The following TBC1D5 variants were observed in gnomAD, a reference collection of about 807,000 sequenced individuals.
TBC1D5 encodes the protein TBC1 domain family member 5.
In TBC1D5, 75 loss-of-function variants were observed where a neutral mutation model predicts 100.3. The ratio of observed to expected loss-of-function variants is 0.75; its 90% CI spans 0.62 to 0.91. The LOEUF is 0.91. Among genes scored for constraint, TBC1D5 ranks in the 40% least tolerant of loss-of-function variants. The probability of loss-of-function intolerance (pLI) is 0.00; values close to 1 mark genes in which losing one functional copy is unlikely to be tolerated. For synonymous variants in TBC1D5, 323 were observed against 325.6 expected (o/e 0.99, Z 0.09); for missense variants, 910 against 942.4 (o/e 0.97, Z 0.45).
chr3:17,383,321 G>C (rs2093025055), intron 9 of TBC1D5, among the ~76,000 whole-genome samples: 1 of 151,386 alleles, frequency 6.6e-6, no homozygotes, highest in South Asian at 2.1e-4. Context: ...ATTTTTATTA[G>C]AACACCATAA....
chr3:17,698,286 T>A lies in TBC1D5; in HGVS notation c.-101+41057A>T, dbSNP rs376127526. ...TTGACAAACCTGACAAAAACAAGCA[T>A]TGGGGAAAGGATTCCCTATTTAATC... On this transcript the variant is annotated intron_variant, in intron 1 of 21. Coordinates refer to ENST00000253692, the Ensembl canonical transcript of TBC1D5. Among the ~76,000 whole-genome samples the A allele has an allele frequency of 1.1e-3, 161 of 152,226 alleles. 2 individuals are homozygous for A. In the South Asian group the frequency reaches 0.018, roughly 17 times the overall value.
upstream of TBC1D5, among the ~76,000 whole-genome samples, chr3:17,741,698 G>C (rs548987854): frequency 1.3e-5 from 2 of 150,800 alleles, no homozygotes; most frequent in African/African-American, 4.9e-5. Flanking sequence ...AACTGGTATC[G>C]AACAAATTCT....
intron 16 of TBC1D5, among the ~76,000 whole-genome samples, chr3:17,243,181 G>A (rs904616672): frequency 6.6e-6 from 1 of 152,094 alleles, no homozygotes; most frequent in Admixed American, 6.6e-5. Flanking sequence ...CCATGAGAGA[G>A]TTATTTATCC....
intron 13 of TBC1D5, among the ~76,000 whole-genome samples, chr3:17,317,179 G>T (rs962190934): frequency 6.6e-6 from 1 of 152,054 alleles, no homozygotes; most frequent in Non-Finnish European, 1.5e-5. Flanking sequence ...TAATTAGAAA[G>T]GCAAAAACAA....
At chr3:17,452,000 C>T (rs2094939080) in intron 3 of TBC1D5, among the ~76,000 whole-genome samples, 1 of 152,070 alleles carries the variant, frequency 6.6e-6, no homozygotes, top group Non-Finnish European at 1.5e-5. Context: ...AGGCATTTAA[C>T]AATCAAACTC....
chr3:17,331,946 G>A (rs1012358676), intron 13 of TBC1D5, among the ~76,000 whole-genome samples: 1 of 152,226 alleles, frequency 6.6e-6, no homozygotes, highest in Admixed American at 6.5e-5. Context: ...GGGCCTTATA[G>A]GCCATAGCAA....
chr3:17,233,691 G>C, intron 17 of TBC1D5: 1 of 1,528,414 alleles, frequency 6.5e-7, no homozygotes, highest in Non-Finnish European at 8.9e-7. Flanking sequence ...GTACCTTGGA[G>C]GTCAGTTAGA....
chr3:17,527,921 C>A lies in TBC1D5; in HGVS notation c.-35-19316G>T, dbSNP rs549449708. Among the ~76,000 whole-genome samples the A allele has an allele frequency of 9.9e-5, 15 of 152,266 alleles. No individual in the cohort carries two copies. The East Asian group carries it at 1.9e-3, about 20-fold the overall frequency. The stretch of plus-strand genomic sequence containing the variant: ...TTAATTTGATTTTATATTTGTATAT[C>A]CAAACCTTATATTCTGTTTTCTTTT... On this transcript the variant is annotated intron_variant, in intron 2 of 21. Transcript: ENST00000253692.
At chr3:17,595,770 C>A (rs577611376) in intron 2 of TBC1D5, among the ~76,000 whole-genome samples, 1 of 152,226 alleles carries the variant, frequency 6.6e-6, no homozygotes, top group South Asian at 2.1e-4. Context: ...AAAAGTAGGA[C>A]GGCATGTGTA....
At chr3:17,727,274 G>C (rs766885895) in intron 1 of TBC1D5, among the ~76,000 whole-genome samples, 1 of 152,156 alleles carries the variant, frequency 6.6e-6, no homozygotes. Context: ...CCAGCTACTC[G>C]AGAGGCTGAG....
chr3:17,510,020 T>C (rs2095885701), intron 2 of TBC1D5, among the ~76,000 whole-genome samples: 1 of 152,044 alleles, frequency 6.6e-6, no homozygotes, highest in Non-Finnish European at 1.5e-5. Flanking sequence ...TAAACCAAGT[T>C]CACCAATTGT....
chr3:17,672,025 T>A (rs975729244), intron 1 of TBC1D5, among the ~76,000 whole-genome samples: 3 of 152,208 alleles, frequency 2.0e-5, no homozygotes, highest in Admixed American at 2.0e-4. Flanking sequence ...AGTCTAACAT[T>A]CGGCATTCTA....
At chr3:17,372,479 A>G (rs1443368596) in intron 12 of TBC1D5, among the ~76,000 whole-genome samples, 1 of 152,200 alleles carries the variant, frequency 6.6e-6, no homozygotes, top group African/African-American at 2.4e-5. Context: ...GGTAATTAAG[A>G]CGAATGTTCA....
At chr3:17,687,301 A>C (rs2070440965) in intron 1 of TBC1D5, among the ~76,000 whole-genome samples, 1 of 152,148 alleles carries the variant, frequency 6.6e-6, no homozygotes, top group African/African-American at 2.4e-5. Context: ...ATTAAAAGCT[A>C]AATTTAGCCA....
chr3:17,399,333 A>G (rs1230848889), intron 8 of TBC1D5, among the ~76,000 whole-genome samples: 1 of 152,124 alleles, frequency 6.6e-6, no homozygotes, highest in African/African-American at 2.4e-5. Context: ...CAAGAAAACA[A>G]TTAAACAAGT....
chr3:17,633,023 A>G (rs968954612), intron 1 of TBC1D5, among the ~76,000 whole-genome samples: 1 of 152,152 alleles, frequency 6.6e-6, no homozygotes, highest in African/African-American at 2.4e-5. Context: ...TATTCTGTCT[A>G]TATTCTTTCC....
chr3:17,688,914 A>T (rs975588875), intron 1 of TBC1D5, among the ~76,000 whole-genome samples: 11 of 152,188 alleles, frequency 7.2e-5, no homozygotes, highest in Non-Finnish European at 1.3e-4. Context: ...CATAAATTAT[A>T]TCTTTCTTAT....
At chr3:17,274,621 C>T (rs1356635786) in intron 15 of TBC1D5, among the ~76,000 whole-genome samples, 1 of 152,208 alleles carries the variant, frequency 6.6e-6, no homozygotes, top group Non-Finnish European at 1.5e-5. Context: ...ATTCCTGTCA[C>T]TTTTCTGCCT....
At chr3:17,654,167 C>T (rs1280642866) in intron 1 of TBC1D5, among the ~76,000 whole-genome samples, 1 of 151,976 alleles carries the variant, frequency 6.6e-6, no homozygotes, top group Non-Finnish European at 1.5e-5. Context: ...CTTATAATTC[C>T]TATAGGTTCC....
Sources: gnomAD v4.1 joint callset for allele counts (sites outside exome capture counted in the v4.1 genomes callset) on GRCh38, gnomAD v4.1.1 for gene constraint, MANE v1.5 for transcripts, NCBI Gene and HGNC (gene_info 2026-07-23, HGNC 2026-07-21) for gene names.